SSBP3: variants seen among roughly 807,000 people sequenced by gnomAD.
The protein encoded by SSBP3 is single-stranded DNA-binding protein 3.
SSBP3 carries 5 observed loss-of-function variants against 69.6 expected under a neutral mutation model. The ratio of observed to expected loss-of-function variants is 0.07; its 90% CI spans 0.04 to 0.15. The LOEUF is 0.15. SSBP3 is among the 10% of genes least tolerant of loss of function. The probability of loss-of-function intolerance (pLI) is 1.00; values close to 1 mark genes in which losing one functional copy is unlikely to be tolerated. For synonymous variants in SSBP3, 196 were observed against 193.4 expected (o/e 1.01, Z -0.11); for missense variants, 312 against 534.0 (o/e 0.58, Z 4.10).
chr1:54,325,208 G>A (rs780562654), intron 4 of SSBP3, among the ~76,000 whole-genome samples: 17 of 152,168 alleles, frequency 1.1e-4, no homozygotes, highest in Non-Finnish European at 1.9e-4. Flanking sequence ...AGCACTGAGC[G>A]CCCAGTGCCT....
chr1:54,306,780 T>G (rs552895465), intron 4 of SSBP3, among the ~76,000 whole-genome samples: 5 of 151,970 alleles, frequency 3.3e-5, no homozygotes, highest in Non-Finnish European at 7.4e-5. Flanking sequence ...CTGGGCAACA[T>G]AGCGAGACCT....
intron 4 of SSBP3, among the ~76,000 whole-genome samples, chr1:54,397,929 G>A (rs1182775566): frequency 3.9e-5 from 6 of 152,152 alleles, no homozygotes; most frequent in Admixed American, 6.5e-5. Context: ...TTCACCTTGC[G>A]GGGGCTTCCG....
chr1:54,410,543 G>A (rs768211225), upstream of SSBP3, among the ~76,000 whole-genome samples: 10 of 152,194 alleles, frequency 6.6e-5, no homozygotes, highest in African/African-American at 1.9e-4. Context: ...CACCCGGCAC[G>A]CTCAGTCCTA....
At chr1:54,303,597 A>G (rs12740351) in intron 4 of SSBP3, among the ~76,000 whole-genome samples, 37,496 of 152,082 alleles carry the variant, frequency 0.25, 5,354 homozygotes, top group Middle Eastern at 0.38. Flanking sequence ...ACAGCAGTCA[A>G]GAAACTGCAT....
intron 4 of SSBP3, among the ~76,000 whole-genome samples, chr1:54,333,182 G>A (rs1569845560): frequency 6.6e-6 from 1 of 152,178 alleles, no homozygotes; most frequent in Non-Finnish European, 1.5e-5. Flanking sequence ...CCAGCTACGT[G>A]GGTGTGCCTG....
intron 5 of SSBP3, among the ~76,000 whole-genome samples, chr1:54,269,427 A>C (rs1244262199): frequency 6.6e-6 from 1 of 152,126 alleles, no homozygotes; most frequent in Non-Finnish European, 1.5e-5. Flanking sequence ...ACAGGTGGGG[A>C]CACTATGGTC....
chr1:54,316,589 C>T (rs553564768), intron 4 of SSBP3, among the ~76,000 whole-genome samples: 2,578 of 141,272 alleles, frequency 0.018, 91 homozygotes, highest in African/African-American at 0.066. Context: ...TGCAGTGAGC[C>T]GAGATTGCGC....
intron 4 of SSBP3, among the ~76,000 whole-genome samples, chr1:54,396,205 AAAAAAAAAAAAAAAC>A (rs1648864660): frequency 6.7e-6 from 1 of 149,772 alleles, no homozygotes; most frequent in African/African-American, 2.5e-5. Context: ...AAAAAAAAAA[AAAAAAAAAAAAAAAC>A]AACCCCATTA....
chr1:54,245,151 G>A (rs1361663072), intron 9 of SSBP3, among the ~76,000 whole-genome samples: 1 of 152,238 alleles, frequency 6.6e-6, no homozygotes, highest in African/African-American at 2.4e-5. Context: ...GTAGGTTGCT[G>A]GAATTTTGAT....
At chr1:54,379,198 G>A (rs759348540) in intron 4 of SSBP3, among the ~76,000 whole-genome samples, 1 of 152,340 alleles carries the variant, frequency 6.6e-6, no homozygotes, top group Admixed American at 6.5e-5. Flanking sequence ...ACGCAGGAGC[G>A]ACATGCGGGT....
At chr1:54,238,315 G>A (rs2100616378) in intron 14 of SSBP3, 1 of 471,100 alleles carries the variant, frequency 2.1e-6, no homozygotes, top group South Asian at 1.5e-5. Context: ...GCACTTTAGG[G>A]CCCCAGGCCC....
chr1:54,358,709 G>A (rs1035347897), intron 4 of SSBP3, among the ~76,000 whole-genome samples: 1 of 152,210 alleles, frequency 6.6e-6, no homozygotes, highest in Non-Finnish European at 1.5e-5. Flanking sequence ...GACGATGGAT[G>A]CAAGAGAGGA....
intron 5 of SSBP3, among the ~76,000 whole-genome samples, chr1:54,271,633 C>T (rs957838994): frequency 2.0e-5 from 3 of 152,210 alleles, no homozygotes; most frequent in African/African-American, 7.2e-5. Flanking sequence ...GGGTGCCCTC[C>T]CAACCCCATG....
At chr1:54,384,685 C>G (rs773232982) in intron 4 of SSBP3, among the ~76,000 whole-genome samples, 1 of 152,218 alleles carries the variant, frequency 6.6e-6, no homozygotes, top group Admixed American at 6.5e-5. Flanking sequence ...CCTTCTCTAA[C>G]TACAGCCCAG....
intron 9 of SSBP3, among the ~76,000 whole-genome samples, chr1:54,245,736 T>A (rs1203897287): frequency 6.6e-6 from 1 of 152,184 alleles, no homozygotes; most frequent in African/African-American, 2.4e-5. Flanking sequence ...CTTGTGGGAA[T>A]GTGCTGGGGC....
upstream of SSBP3, among the ~76,000 whole-genome samples, chr1:54,410,637 C>A (rs1358904180): frequency 6.6e-6 from 1 of 152,212 alleles, no homozygotes; most frequent in Non-Finnish European, 1.5e-5. Flanking sequence ...GGATCGGGGG[C>A]CTCCACAGGG....
chr1:54,312,456 C>A (rs540965901), intron 4 of SSBP3, among the ~76,000 whole-genome samples: 4 of 151,880 alleles, frequency 2.6e-5, no homozygotes, highest in African/African-American at 9.7e-5. Context: ...GGTGTGGTGG[C>A]GGGTGCCTGT....
chr1:54,228,579 G>T (rs1644328230), intron 15 of SSBP3, 102 bp from the exon 16 acceptor site: 1 of 1,544,148 alleles, frequency 6.5e-7, no homozygotes, highest in Non-Finnish European at 8.8e-7. Flanking sequence ...TTCCATCCCA[G>T]TCCCACACTG....
At chr1:54,230,027 C>T (rs1371857332) in intron 14 of SSBP3, among the ~76,000 whole-genome samples, 2 of 152,336 alleles carry the variant, frequency 1.3e-5, no homozygotes, top group Middle Eastern at 3.4e-3. Context: ...CAGAGCCCAT[C>T]GCGGAAATCA....
Sources: allele counts gnomAD v4.1 joint callset (sites outside exome capture counted in the v4.1 genomes callset), GRCh38; gene constraint gnomAD v4.1.1; transcripts MANE v1.5; gene names NCBI Gene and HGNC (gene_info 2026-07-23, HGNC 2026-07-21).